WWOX: variants seen among roughly 807,000 people sequenced by gnomAD.
WWOX encodes WW domain-containing oxidoreductase.
In WWOX, 69 loss-of-function variants were observed where a neutral mutation model predicts 46.2. The ratio of observed to expected loss-of-function variants is 1.49; its 90% CI spans 1.23 to 1.82. WWOX has a LOEUF of 1.82. Ranked by LOEUF, WWOX falls within the 40% of genes most tolerant of loss-of-function variation. The pLI is 0.00. For synonymous variants in WWOX, 359 were observed against 202.6 expected (o/e 1.77, Z -6.56); for missense variants, 919 against 542.6 (o/e 1.69, Z -6.89).
chr16:78,399,137 G>C (rs1036999342), intron 6 of WWOX, among the ~76,000 whole-genome samples: 1 of 152,134 alleles, frequency 6.6e-6, no homozygotes, highest in African/African-American at 2.4e-5. Context: ...AAGGGGATGG[G>C]TGGCTGGCTG....
intron 8 of WWOX, among the ~76,000 whole-genome samples, chr16:78,489,104 G>C (rs2084713698): frequency 1.3e-5 from 2 of 152,098 alleles, no homozygotes; most frequent in Non-Finnish European, 2.9e-5. Context: ...TTTTATGCTT[G>C]TTACTAGCAG....
chr16:78,394,199 C>G (rs987734181), intron 6 of WWOX, among the ~76,000 whole-genome samples: 2 of 152,108 alleles, frequency 1.3e-5, no homozygotes, highest in South Asian at 2.1e-4. Flanking sequence ...ACTCTTGGCT[C>G]AATATGAGAA....
At chr16:78,973,727 C>A (rs1399895465) in intron 8 of WWOX, among the ~76,000 whole-genome samples, 1 of 152,080 alleles carries the variant, frequency 6.6e-6, no homozygotes, top group East Asian at 1.9e-4. Context: ...TAATTTGTTC[C>A]CAGAGAAAAA....
At chr16:78,172,537 A>T (rs536229435) in intron 5 of WWOX, among the ~76,000 whole-genome samples, 123 of 149,714 alleles carry the variant, frequency 8.2e-4, no homozygotes, top group African/African-American at 2.8e-3. Flanking sequence ...TTTTGCACCG[A>T]CTTAGTCTTG....
intron 8 of WWOX, among the ~76,000 whole-genome samples, chr16:78,820,748 G>T (rs2151143377): frequency 6.6e-6 from 1 of 152,190 alleles, no homozygotes; most frequent in East Asian, 1.9e-4. Flanking sequence ...ATTGTTTCAT[G>T]GTTTTGGTGG....
intron 8 of WWOX, among the ~76,000 whole-genome samples, chr16:78,571,042 T>C (rs562036224): frequency 6.6e-6 from 1 of 152,348 alleles, no homozygotes; most frequent in East Asian, 1.9e-4. Flanking sequence ...CTGTGATTTT[T>C]AAATTTAGAA....
At chr16:78,482,902 C>T (rs1007961599) in intron 8 of WWOX, among the ~76,000 whole-genome samples, 2 of 152,060 alleles carry the variant, frequency 1.3e-5, no homozygotes. Context: ...TGTTAAAAGG[C>T]ATGAAAAAGA....
chr16:78,363,283 C>CTT (rs367968439), intron 5 of WWOX, among the ~76,000 whole-genome samples: 2 of 144,950 alleles, frequency 1.4e-5, no homozygotes, highest in African/African-American at 5.1e-5. Context: ...TTTTTGAGGG[C>CTT]TTTTTTTTTT....
chr16:78,697,657 C>A (rs998783802), intron 8 of WWOX, among the ~76,000 whole-genome samples: 2 of 152,146 alleles, frequency 1.3e-5, no homozygotes, highest in African/African-American at 4.8e-5. Context: ...AAATGCTCAA[C>A]ATCACTAATG....
intron 8 of WWOX, among the ~76,000 whole-genome samples, chr16:78,975,902 A>C (rs1052728522): frequency 7.2e-5 from 11 of 152,032 alleles, no homozygotes; most frequent in African/African-American, 2.7e-4. Flanking sequence ...CAGCAGCCAC[A>C]TGTCACCCCC....
intron 8 of WWOX, among the ~76,000 whole-genome samples, chr16:78,692,247 C>G (rs994075492): frequency 3.3e-5 from 5 of 152,180 alleles, no homozygotes; most frequent in East Asian, 1.9e-4. Flanking sequence ...TAGTCCATTT[C>G]TCTCAATCTA....
intron 8 of WWOX, among the ~76,000 whole-genome samples, chr16:78,711,368 A>G (rs28547539): frequency 0.019 from 2,960 of 152,326 alleles, 94 homozygotes; most frequent in African/African-American, 0.067. Flanking sequence ...TAGGAACATG[A>G]TGCTCATATC....
chr16:78,984,132 C>A (rs1489490082), intron 8 of WWOX, among the ~76,000 whole-genome samples: 2 of 152,080 alleles, frequency 1.3e-5, no homozygotes, highest in African/African-American at 2.4e-5. Flanking sequence ...CCCGCCTTGG[C>A]CTCCCAAAGT....
intron 5 of WWOX, among the ~76,000 whole-genome samples, chr16:78,184,381 A>G (rs1485277332): frequency 6.6e-6 from 1 of 152,274 alleles, no homozygotes; most frequent in East Asian, 1.9e-4. Flanking sequence ...CCTCATTATC[A>G]TCATGCTCAC....
chr16:78,544,014 T>G (rs2043962518), intron 8 of WWOX, among the ~76,000 whole-genome samples: 1 of 152,134 alleles, frequency 6.6e-6, no homozygotes, highest in East Asian at 1.9e-4. Flanking sequence ...ATCCCTCAGT[T>G]TCAAAGCTTC....
intron 4 of WWOX, among the ~76,000 whole-genome samples, chr16:78,149,579 G>A (rs1229056762): frequency 2.0e-5 from 3 of 152,200 alleles, no homozygotes; most frequent in Admixed American, 6.5e-5. Context: ...GGATTACACC[G>A]AAGGGAGCAC....
chr16:78,795,503 A>G (rs1294805540), intron 8 of WWOX, among the ~76,000 whole-genome samples: 2 of 152,240 alleles, frequency 1.3e-5, no homozygotes, highest in East Asian at 3.9e-4. Flanking sequence ...TCTACATCAA[A>G]CCTGGCTTCT....
At chr16:79,015,468 C>T (rs184989337) in intron 8 of WWOX, among the ~76,000 whole-genome samples, 1 of 152,264 alleles carries the variant, frequency 6.6e-6, no homozygotes, top group Non-Finnish European at 1.5e-5. Flanking sequence ...GTGTCTGCTG[C>T]ATAGTAGGTG....
intron 8 of WWOX, among the ~76,000 whole-genome samples, chr16:78,594,298 G>A (rs1000731047): frequency 6.6e-6 from 1 of 151,916 alleles, no homozygotes; most frequent in African/African-American, 2.4e-5. Context: ...CATTTCCGTA[G>A]ACTGTTTTTT....
Sources: allele counts gnomAD v4.1 joint callset (sites outside exome capture counted in the v4.1 genomes callset), GRCh38; gene constraint gnomAD v4.1.1; transcripts MANE v1.5; gene names NCBI Gene and HGNC (gene_info 2026-07-23, HGNC 2026-07-21).